The following RUNDC3B variants were observed in gnomAD, a reference collection of about 807,000 sequenced individuals.
The protein encoded by RUNDC3B is RUN domain-containing protein 3B.
Under a neutral mutation model 58.4 loss-of-function variants are expected in RUNDC3B, and 33 were observed. The observed-to-expected ratio is 0.56, with a 90% confidence interval of 0.43 to 0.75. The LOEUF (loss-of-function observed/expected upper bound fraction) is 0.75. Ranked by LOEUF, RUNDC3B falls within the 30% of genes least tolerant of loss-of-function variation. The pLI, the probability that RUNDC3B is intolerant of heterozygous loss-of-function variation, is 0.00. For missense variants in RUNDC3B, 501 were observed against 535.7 expected, an observed-to-expected ratio of 0.94 and a Z score of 0.64; for synonymous variants, 193 against 195.2, an observed-to-expected ratio of 0.99 and a Z score of 0.10.
chr7:87,758,719 G>A (rs917530795), intron 6 of RUNDC3B, among the ~76,000 whole-genome samples: 4 of 152,090 alleles, frequency 2.6e-5, no homozygotes, highest in African/African-American at 9.7e-5. Flanking sequence ...TAACAGGTAC[G>A]TGAAAAAGTG....
chr7:87,688,175 A>G (rs970255395), intron 2 of RUNDC3B, among the ~76,000 whole-genome samples: 1 of 152,146 alleles, frequency 6.6e-6, no homozygotes, highest in African/African-American at 2.4e-5. Flanking sequence ...CAGATATTGT[A>G]TCTCAGAAAA....
intron 10 of RUNDC3B, among the ~76,000 whole-genome samples, chr7:87,829,575 C>A (rs577654142): frequency 8.3e-4 from 126 of 151,976 alleles, no homozygotes; most frequent in Non-Finnish European, 1.6e-3. Context: ...CAGCACCTTT[C>A]TATTTTGGTT....
At chr7:87,744,732 G>C (rs1832543705) in intron 6 of RUNDC3B, among the ~76,000 whole-genome samples, 1 of 152,148 alleles carries the variant, frequency 6.6e-6, no homozygotes, top group African/African-American at 2.4e-5. Flanking sequence ...AGTCCTCAGG[G>C]TTTTCAAGGT....
chr7:87,652,202 T>C (rs1823645683), intron 2 of RUNDC3B, among the ~76,000 whole-genome samples: 1 of 152,104 alleles, frequency 6.6e-6, no homozygotes, highest in East Asian at 1.9e-4. Context: ...CCTTAAAACC[T>C]AATTCCCTTG....
chr7:87,696,301 G>C (rs1452463437), intron 2 of RUNDC3B, among the ~76,000 whole-genome samples: 2 of 152,112 alleles, frequency 1.3e-5, no homozygotes, highest in Non-Finnish European at 2.9e-5. Flanking sequence ...TATTTGAGGA[G>C]TGGTTATTTA....
intron 4 of RUNDC3B, among the ~76,000 whole-genome samples, chr7:87,733,250 G>A (rs752248350): frequency 2.0e-5 from 3 of 152,134 alleles, no homozygotes; most frequent in Non-Finnish European, 4.4e-5. Flanking sequence ...CTGACTGTAC[G>A]TCCATTCATA....
At chr7:87,710,262 A>G (rs1829951088) in intron 3 of RUNDC3B, among the ~76,000 whole-genome samples, 2 of 152,292 alleles carry the variant, frequency 1.3e-5, no homozygotes, top group Non-Finnish European at 2.9e-5. Flanking sequence ...AGAGAGTTAT[A>G]TCTTATATAA....
chr7:87,775,941 T>C (rs1314065832), intron 7 of RUNDC3B, among the ~76,000 whole-genome samples: 2 of 152,174 alleles, frequency 1.3e-5, no homozygotes, highest in African/African-American at 4.8e-5. Context: ...ATCCCCATCA[T>C]TAAGTGGCAC....
chr7:87,671,783 C>T (rs1316939127), intron 2 of RUNDC3B, among the ~76,000 whole-genome samples: 2 of 152,142 alleles, frequency 1.3e-5, no homozygotes, highest in Non-Finnish European at 2.9e-5. Flanking sequence ...CTTCAGCCCC[C>T]GGTTGCCTCA....
At chr7:87,646,300 A>G (rs1032001244) in intron 1 of RUNDC3B, among the ~76,000 whole-genome samples, 2 of 152,154 alleles carry the variant, frequency 1.3e-5, no homozygotes, top group African/African-American at 2.4e-5. Flanking sequence ...TTCCCACTAC[A>G]TTTTACAAAG....
chr7:87,658,096 G>T (rs929426769), intron 2 of RUNDC3B, among the ~76,000 whole-genome samples: 1 of 152,158 alleles, frequency 6.6e-6, no homozygotes, highest in African/African-American at 2.4e-5. Context: ...TGACAGAGGT[G>T]TTAGAATCAC....
chr7:87,715,981 A>C (rs972363376), intron 4 of RUNDC3B, among the ~76,000 whole-genome samples: 1 of 152,202 alleles, frequency 6.6e-6, no homozygotes, highest in African/African-American at 2.4e-5. Flanking sequence ...TGATGATTGC[A>C]TATAGGCAAT....
Position 87,650,837 on chromosome 7 carries a change from C to T in RUNDC3B, c.138C>T (p.Thr46=), listed in dbSNP as rs761102876. The T allele has an allele frequency of 6.2e-7, 1 of 1,605,466 alleles. No homozygotes were observed. Among genetic ancestry groups the T allele is most frequent in the Non-Finnish European group, 8.5e-7 (1 of 1,172,670 alleles). ...LITVCRFSVK[T]LIDRSCFETI... ...TTTTTCATAGGTTTTCTGTGAAGAC[C>T]CTGATTGATCGGTCTTGCTTTGAGA... The change falls in exon 2 of 11, where the codon ACC becomes ACT. Residue 46 remains threonine, a synonymous_variant. Transcript: ENST00000394654.
intron 2 of RUNDC3B, among the ~76,000 whole-genome samples, chr7:87,657,594 C>T (rs922810406): frequency 1.2e-4 from 18 of 152,296 alleles, no homozygotes; most frequent in Admixed American, 2.6e-4. Context: ...CACCCCCCTT[C>T]CCACAATGTT....
chr7:87,638,345 TTGTG>T (rs71524692), intron 1 of RUNDC3B, among the ~76,000 whole-genome samples: 6,347 of 144,734 alleles, frequency 0.044, 199 homozygotes, highest in East Asian at 0.09. Context: ...AAGTATGTGT[TTGTG>T]TGTGTGTGTG....
At chr7:87,725,488 CATT>C (rs1030091297) in intron 4 of RUNDC3B, among the ~76,000 whole-genome samples, 1 of 152,166 alleles carries the variant, frequency 6.6e-6, no homozygotes, top group Non-Finnish European at 1.5e-5. Flanking sequence ...TCCAGTCTAT[CATT>C]GTTGGACATT....
In RUNDC3B at chr7:87,710,657, T is replaced by C; in HGVS notation, c.458+2T>C. The C allele has an allele frequency of 6.5e-7, 1 of 1,529,646 alleles. No homozygotes were observed. The highest frequency in any genetic ancestry group is 8.9e-7 in the Non-Finnish European group (1 of 1,122,022). 94.8% of individuals were successfully genotyped at this position (1,529,646 alleles called of 1,614,324 possible). A position where few individuals can be genotyped will look rare whatever the true frequency, so the allele number is the denominator to read the frequency against. On this transcript the variant is annotated splice_donor_variant, in intron 4 of 10. Transcript: ENST00000394654. LOFTEE classifies it high-confidence loss of function. ...TCTGAGAGACTTCAAAACAACCAGG[T>C]TTAAAAGTCCTTTTAATTTTCTAAT... is the stretch of plus-strand genomic sequence containing the variant.
intron 8 of RUNDC3B, among the ~76,000 whole-genome samples, chr7:87,798,378 A>G (rs2130918894): frequency 6.6e-6 from 1 of 152,302 alleles, no homozygotes; most frequent in East Asian, 1.9e-4. Context: ...ATGATATTAC[A>G]AAACACTTCT....
At chr7:87,823,999 G>A (rs1279748189) in intron 10 of RUNDC3B, among the ~76,000 whole-genome samples, 1 of 152,024 alleles carries the variant, frequency 6.6e-6, no homozygotes, top group Admixed American at 6.6e-5. Flanking sequence ...CAATAGTGAA[G>A]CAGGAAAAAA....
Sources: allele counts gnomAD v4.1 joint callset (sites outside exome capture counted in the v4.1 genomes callset), GRCh38; gene constraint gnomAD v4.1.1; transcripts MANE v1.5; gene names NCBI Gene and HGNC (gene_info 2026-07-23, HGNC 2026-07-21).